Variants in TNRC18 observed in about 807,000 individuals in gnomAD.
TNRC18 encodes the protein trinucleotide repeat-containing gene 18 protein.
TNRC18 carries 69 observed loss-of-function variants against 226.7 expected under a neutral mutation model. The ratio of observed to expected loss-of-function variants is 0.30; its 90% CI spans 0.25 to 0.37. TNRC18 has a LOEUF of 0.37. TNRC18 is among the 10% of genes least tolerant of loss of function. The pLI is 1.00. For synonymous variants in TNRC18, 2,449 were observed against 1,927.6 expected, an observed-to-expected ratio of 1.27 and a Z score of -7.09; for missense variants, 4,754 against 4,256.6, an observed-to-expected ratio of 1.12 and a Z score of -3.25.
rs371595450 is a variant in TNRC18, at chr7:5,371,160, C to A, written c.3434G>T (p.Arg1145Leu). The A allele has an allele frequency of 6.2e-7, 1 of 1,608,072 alleles. No individual in the cohort carries two copies. Among genetic ancestry groups the A allele is most frequent in the Admixed American group, 1.7e-5 (1 of 59,780 alleles). Residue 1145 changes from arginine (R) to leucine (L), a missense_variant, in exon 11 of 30, where the codon CGG (arginine) becomes CTG (leucine). By Grantham distance (102) the Arg-to-Leu change is moderately radical. Coordinates refer to ENST00000430969, the MANE Select transcript of TNRC18 (RefSeq NM_001080495.3). ...LSPSKITEPL[R>L]EGPEEEPLAE... is the part of the protein sequence containing the mutation. ...CAGCGGTTCTTCCTCCGGGCCCTCC[C>A]GCAGCGGCTCTGTGATCTTGGAGGG...
At chr7:5,351,094 T>G (rs1055166190) in intron 17 of TNRC18, among the ~76,000 whole-genome samples, 14 of 151,958 alleles carry the variant, frequency 9.2e-5, no homozygotes, top group Non-Finnish European at 1.9e-4. Context: ...ATTTTAAACC[T>G]GAAAAATGAA....
At chr7:5,328,767 C>T (rs1413504067) in intron 19 of TNRC18, among the ~76,000 whole-genome samples, 1 of 152,016 alleles carries the variant, frequency 6.6e-6, no homozygotes, top group African/African-American at 2.4e-5. Flanking sequence ...GCCTCGGCCT[C>T]CCAAAGTGCT....
chr7:5,339,114 A>T (rs1025667278), intron 18 of TNRC18, among the ~76,000 whole-genome samples: 5 of 151,906 alleles, frequency 3.3e-5, no homozygotes, highest in Admixed American at 2.0e-4. Flanking sequence ...CCTGGGCAAC[A>T]GAGCGAGACC....
At chr7:5,327,768 G>A (rs1430338862) in intron 19 of TNRC18, among the ~76,000 whole-genome samples, 1 of 152,010 alleles carries the variant, frequency 6.6e-6, no homozygotes, top group Non-Finnish European at 1.5e-5. Context: ...AAGTAAATAA[G>A]AAAATAACTT....
chr7:5,408,578 G>A (rs369310550), intron 2 of TNRC18, among the ~76,000 whole-genome samples: 1 of 152,132 alleles, frequency 6.6e-6, no homozygotes, highest in East Asian at 1.9e-4. Context: ...GTGGAGGTAG[G>A]TTGCAGTGAG....
rs1172325797 is a variant in TNRC18 at position 5,359,550 on chromosome 7, G to A, written c.4681C>T (p.Leu1561=). Residue 1561 remains leucine, a synonymous_variant, in exon 15 of 30, where the codon CTG becomes TTG. Coordinates refer to ENST00000430969, the MANE Select transcript of TNRC18 (RefSeq NM_001080495.3). ...SSGKLSSKSL[L]TSDDYELGAG... ...CCCAGCTCATAATCATCTGATGTCA[G>A]CAGAGACTTGCTGCTCAGCCTGAAA... The A allele has an allele frequency of 6.2e-7, 1 of 1,613,774 alleles. No individual in the cohort carries two copies. Among genetic ancestry groups the A allele is most frequent in the Non-Finnish European group, 8.5e-7 (1 of 1,179,896 alleles).
chr7:5,323,581 T>TTTTTTTTTTTGG (rs60338709), intron 21 of TNRC18, among the ~76,000 whole-genome samples: 1 of 150,216 alleles, frequency 6.7e-6, no homozygotes, highest in African/African-American at 2.4e-5. Context: ...TTTTTTTTTT[T>TTTTTTTTTTTGG]GAGACACAGT....
At position 5,370,362 on chromosome 7, in the gene TNRC18, C is replaced by G. The variant is rs114819957; in HGVS notation, c.4219+13G>C. 1 of 1,535,912 alleles carries G rather than the reference C, an allele frequency of 6.5e-7. No individual in the cohort carries two copies. Among genetic ancestry groups the G allele is most frequent in the Admixed American group, 2.0e-5 (1 of 50,704 alleles). ...TCACGAATCTGCAGAACTCAGAGGT[C>G]GCGCACTCTCACCTCCCATCTCTTG... is the stretch of plus-strand genomic sequence containing the variant. On this transcript the variant is annotated intron_variant, in intron 11 of 29. Coordinates refer to ENST00000430969, the MANE Select transcript of TNRC18 (RefSeq NM_001080495.3).
rs1476472999 is a variant in TNRC18, at chr7:5,362,633, A to G, written c.4395+17T>C. On this transcript the variant is annotated intron_variant, in intron 12 of 29. Transcript: ENST00000430969. The stretch of plus-strand genomic sequence containing the variant: ...CCTCCCCCGCGGACCCCAGGGAGGA[A>G]GCAGCCAGCCGCTCACCCGCTCCTC... The G allele has an allele frequency of 6.5e-7, 1 of 1,538,346 alleles. No individual in the cohort carries two copies. The highest frequency in any genetic ancestry group is 1.4e-5 in the African/African-American group (1 of 73,340).
intron 5 of TNRC18, among the ~76,000 whole-genome samples, chr7:5,384,483 A>T (rs1311679419): frequency 6.6e-6 from 1 of 151,192 alleles, no homozygotes; most frequent in East Asian, 1.9e-4. Flanking sequence ...CTCATCCCAA[A>T]CCTCTGGCAC....
rs1400266818 is a variant in TNRC18, at chr7:5,389,218, C to T, written c.606G>A (p.Arg202=). 1 of 1,334,626 alleles carries T rather than the reference C, an allele frequency of 7.5e-7. No individual in the cohort carries two copies. The highest frequency in any genetic ancestry group is 9.6e-7 in the Non-Finnish European group (1 of 1,043,554). The allele number at this position is 1,334,626 out of a possible 1,614,324, so 82.7% of individuals were successfully genotyped here. A position where few individuals can be genotyped will look rare whatever the true frequency, so the allele number is the denominator to read the frequency against. The change falls in exon 5 of 30, where the codon CGG becomes CGA. Residue 202 remains arginine (R), a synonymous_variant. Coordinates refer to ENST00000430969, the MANE Select transcript of TNRC18 (RefSeq NM_001080495.3). ...SGAPAKGSSS[R]DGPAKERAGR... ...CCGCCCGCTCCTTGGCTGGACCGTC[C>T]CGCGACGACGAGCCTTTGGCCGGGG...
chr7:5,422,603 G>A (rs1019265929), intron 1 of TNRC18, among the ~76,000 whole-genome samples: 1 of 152,088 alleles, frequency 6.6e-6, no homozygotes, highest in Non-Finnish European at 1.5e-5. Context: ...AAAGCCACCG[G>A]CTCCCGGGTG....
At chr7:5,408,926 G>T (rs937713554) in intron 2 of TNRC18, among the ~76,000 whole-genome samples, 1 of 152,230 alleles carries the variant, frequency 6.6e-6, no homozygotes, top group Non-Finnish European at 1.5e-5. Context: ...CAGGACTAGG[G>T]TGTGGACCAA....
intron 2 of TNRC18, among the ~76,000 whole-genome samples, chr7:5,402,178 CAAAAAAAA>C (rs35794476): frequency 2.4e-4 from 17 of 71,336 alleles, no homozygotes; most frequent in African/African-American, 9.5e-4. Flanking sequence ...GACTCTGTCT[CAAAAAAAA>C]AAAAAAAAAA....
At chr7:5,393,415 A>G (rs909359896) in intron 3 of TNRC18, among the ~76,000 whole-genome samples, 1 of 152,262 alleles carries the variant, frequency 6.6e-6, no homozygotes, top group African/African-American at 2.4e-5. Context: ...CTGTGACTAG[A>G]GACGCCTCTG....
intron 18 of TNRC18, among the ~76,000 whole-genome samples, chr7:5,336,303 G>A (rs376223969): frequency 6.6e-6 from 1 of 151,800 alleles, no homozygotes; most frequent in African/African-American, 2.4e-5. Context: ...GTGACCCTGA[G>A]ATGAACCACA....
Position 5,423,779 on chromosome 7 carries a change from G to A in TNRC18, c.-582C>T, listed in dbSNP as rs1782704244. On this transcript the variant is annotated 5_prime_UTR_variant, in exon 1 of 30. Transcript: ENST00000430969. The stretch of plus-strand genomic sequence containing the variant: ...AATCCCAAATCTCCATATACAGCCC[G>A]GGATTGGAAAAGGTACATTACACAA... 6.6e-6 allele frequency among the ~76,000 whole-genome samples: 1 copy of A among 151,222 alleles called. No individual in the cohort carries two copies. The highest frequency in any genetic ancestry group is 6.6e-5 in the Admixed American group (1 of 15,218).
At chr7:5,352,261 C>T (rs183485068) in intron 16 of TNRC18, among the ~76,000 whole-genome samples, 167 bp from the exon 17 acceptor site, 7 of 152,324 alleles carry the variant, frequency 4.6e-5, no homozygotes, top group African/African-American at 1.7e-4. Flanking sequence ...TCACCAGCTC[C>T]CCTCCCAGTC....
chr7:5,327,367 T>TTG (rs1318625300), intron 19 of TNRC18, among the ~76,000 whole-genome samples: 5 of 122,582 alleles, frequency 4.1e-5, no homozygotes, highest in African/African-American at 1.0e-4. Flanking sequence ...ATGTGTGTGT[T>TTG]TGTGCGTGTG....
Sources: allele counts gnomAD v4.1 joint callset (sites outside exome capture counted in the v4.1 genomes callset), GRCh38; gene constraint gnomAD v4.1.1; transcripts MANE v1.5; gene names NCBI Gene and HGNC (gene_info 2026-07-23, HGNC 2026-07-21).